KIF6: variants seen among roughly 807,000 people sequenced by gnomAD.
KIF6 encodes the protein kinesin-like protein KIF6.
KIF6 carries 106 observed loss-of-function variants against 112.7 expected under a neutral mutation model. The ratio of observed to expected loss-of-function variants is 0.94; its 90% CI spans 0.80 to 1.11. The LOEUF (loss-of-function observed/expected upper bound fraction) is 1.11. Ranked by LOEUF, KIF6 falls within the 50% of genes least tolerant of loss-of-function variation. KIF6 has a pLI of 0.00. For missense variants in KIF6, 929 were observed against 964.0 expected, an observed-to-expected ratio of 0.96 and a Z score of 0.48; for synonymous variants, 339 against 339.9, an observed-to-expected ratio of 1.00 and a Z score of 0.03.
chr6:39,387,649 AC>A (rs1480748298), intron 15 of KIF6, among the ~76,000 whole-genome samples: 5 of 152,062 alleles, frequency 3.3e-5, no homozygotes, highest in African/African-American at 1.2e-4. Flanking sequence ...CAGGAAAATG[AC>A]TTGACACCTG....
Position 39,712,995 on chromosome 6 carries a change from T to G in KIF6, c.251+1697A>C, listed in dbSNP as rs564761932. The stretch of plus-strand genomic sequence containing the variant: ...AGATGGTGATATGTGCTAAAATAAA[T>G]AAAGTCAAATAGGGAAGGGTAACGG... On this transcript the variant is annotated intron_variant, in intron 3 of 22. Coordinates refer to ENST00000287152, the MANE Select transcript of KIF6 (RefSeq NM_145027.6). Among the ~76,000 whole-genome samples the G allele has an allele frequency of 5.3e-4, 80 of 152,118 alleles. 1 individual carries two copies. The highest frequency in any genetic ancestry group is 6.8e-3 in the Middle Eastern group (2 of 294).
chr6:39,629,903 T>A (rs1453765583), intron 5 of KIF6, among the ~76,000 whole-genome samples: 1 of 152,050 alleles, frequency 6.6e-6, no homozygotes, highest in Admixed American at 6.6e-5. Context: ...TTTTCATGTG[T>A]GCATATCCAG....
intron 3 of KIF6, among the ~76,000 whole-genome samples, chr6:39,678,709 GA>G (rs1362317274): frequency 6.6e-6 from 1 of 152,146 alleles, no homozygotes; most frequent in Non-Finnish European, 1.5e-5. Flanking sequence ...ACCTATATTA[GA>G]CCCCCTCATC....
At chr6:39,609,364 T>C (rs1055089193) in intron 6 of KIF6, among the ~76,000 whole-genome samples, 3 of 152,172 alleles carry the variant, frequency 2.0e-5, no homozygotes, top group Non-Finnish European at 1.5e-5. Flanking sequence ...GCAAATGTTT[T>C]ATACCAGATA....
chr6:39,537,242 AG>A (rs1426966681), intron 13 of KIF6, among the ~76,000 whole-genome samples: 1 of 152,228 alleles, frequency 6.6e-6, no homozygotes, highest in Non-Finnish European at 1.5e-5. Context: ...AAGGAAATAA[AG>A]GGTACTCAAT....
Position 39,506,464 on chromosome 6 carries a change from C to T in KIF6, c.1645+33539G>A, listed in dbSNP as rs143685140. On this transcript the variant is annotated intron_variant, in intron 13 of 22. Coordinates refer to ENST00000287152, the MANE Select transcript of KIF6 (RefSeq NM_145027.6). ...AGCTGCAGGAAATCACCATGGCACACTTATGTAATAAACCTGCATATCCTG... is the reference window on the plus strand; with the variant it reads ...AGCTGCAGGAAATCACCATGGCACATTTATGTAATAAACCTGCATATCCTG... Among the ~76,000 whole-genome samples, 391 of 152,110 alleles carry T rather than the reference C, an allele frequency of 2.6e-3. 2 individuals are homozygous for T. The highest frequency in any genetic ancestry group is 5.0e-3 in the Non-Finnish European group (342 of 68,002).
intron 19 of KIF6, among the ~76,000 whole-genome samples, chr6:39,355,917 T>A (rs1562124897): frequency 1.3e-5 from 2 of 152,096 alleles, no homozygotes. Flanking sequence ...TTTGCCACAA[T>A]CACTGAACCG....
chr6:39,354,875 C>G (rs1406203532), intron 19 of KIF6, among the ~76,000 whole-genome samples: 1 of 152,152 alleles, frequency 6.6e-6, no homozygotes, highest in Non-Finnish European at 1.5e-5. Context: ...AACTGCCTGC[C>G]CATGCCCATT....
intron 10 of KIF6, 114 bp from the exon 11 acceptor site, chr6:39,545,802 C>G: frequency 1.7e-6 from 1 of 594,328 alleles, no homozygotes. Flanking sequence ...CACCTCTTTA[C>G]AGAAGTACAG....
rs527633000 is a variant in KIF6, at chr6:39,592,039, G to A, written c.846+4015C>T. ...AGGCAGGAGAATGGCAAGAACCCGG[G>A]AGATGGAGGTTGCAGTGAGCTGAGA... On this transcript the variant is annotated intron_variant, in intron 7 of 22. Transcript: ENST00000287152. Among the ~76,000 whole-genome samples, 690 of 152,290 alleles carry A rather than the reference G, an allele frequency of 4.5e-3. 5 individuals carry two copies. The highest frequency in any genetic ancestry group is 0.016 in the African/African-American group (644 of 41,546).
At chr6:39,457,270 A>C (rs1348387337) in intron 13 of KIF6, among the ~76,000 whole-genome samples, 25 of 150,756 alleles carry the variant, frequency 1.7e-4, no homozygotes, top group Admixed American at 1.5e-3. Flanking sequence ...CTGAATGACT[A>C]CTGGGTACAT....
chr6:39,346,718 G>C (rs1414541208), intron 19 of KIF6, among the ~76,000 whole-genome samples, 192 bp from the exon 20 acceptor site: 1 of 152,076 alleles, frequency 6.6e-6, no homozygotes, highest in Non-Finnish European at 1.5e-5. Context: ...CATGATCTTG[G>C]CTCACTGCAA....
At chr6:39,400,456 T>C (rs1352421634) in intron 15 of KIF6, among the ~76,000 whole-genome samples, 1 of 152,254 alleles carries the variant, frequency 6.6e-6, no homozygotes. Flanking sequence ...GACAGCTTTA[T>C]ACCGGCCACA....
In KIF6 at chr6:39,333,284, C is replaced by T. The variant is rs1275091927; in HGVS notation, c.*3248G>A. ...TCTGGGTTCCAATTTCTGTGCCAGT[C>T]TGCTATTGCTACAATTAATGCTATA... On this transcript the variant is annotated 3_prime_UTR_variant, in exon 23 of 23. Coordinates refer to ENST00000287152, the MANE Select transcript of KIF6 (RefSeq NM_145027.6). The T allele has an allele frequency of 6.6e-6, 1 of 152,182 alleles. No individual in the cohort carries two copies. The highest frequency in any genetic ancestry group is 2.4e-5 in the African/African-American group (1 of 41,452). 9.4% of individuals were successfully genotyped at this position (152,182 alleles called of 1,614,324 possible). A position where few individuals can be genotyped will look rare whatever the true frequency, so the allele number is the denominator to read the frequency against.
intron 16 of KIF6, among the ~76,000 whole-genome samples, chr6:39,383,095 T>C (rs762087269): frequency 1.3e-5 from 2 of 152,076 alleles, no homozygotes; most frequent in Non-Finnish European, 2.9e-5. Flanking sequence ...TTGCAAATAT[T>C]TTCTCCCATT....
At chr6:39,439,339 T>C (rs777831105) in intron 13 of KIF6, among the ~76,000 whole-genome samples, 8 of 152,166 alleles carry the variant, frequency 5.3e-5, no homozygotes, top group Non-Finnish European at 8.8e-5. Context: ...GCTCATTTCT[T>C]AGTTGTTTGC....
chr6:39,646,120 A>G (rs994205783), intron 3 of KIF6, among the ~76,000 whole-genome samples: 5 of 148,980 alleles, frequency 3.4e-5, no homozygotes, highest in African/African-American at 1.3e-4. Flanking sequence ...AACGTATAAG[A>G]AAAATATATA....
chr6:39,519,409 G>A (rs1417874975), intron 13 of KIF6, among the ~76,000 whole-genome samples: 1 of 152,196 alleles, frequency 6.6e-6, no homozygotes, highest in Non-Finnish European at 1.5e-5. Flanking sequence ...GGTGGATACA[G>A]CAGCACCAGA....
intron 5 of KIF6, among the ~76,000 whole-genome samples, chr6:39,629,163 G>A (rs544314593): frequency 3.9e-5 from 6 of 152,206 alleles, no homozygotes; most frequent in Admixed American, 3.3e-4. Context: ...GTAGACATAA[G>A]TTTTCAACTC....
Sources: allele counts gnomAD v4.1 joint callset (sites outside exome capture counted in the v4.1 genomes callset), GRCh38; gene constraint gnomAD v4.1.1; transcripts MANE v1.5; gene names NCBI Gene and HGNC (gene_info 2026-07-23, HGNC 2026-07-21).